The following PNLIP variants were observed in gnomAD, a reference collection of about 807,000 sequenced individuals.
The protein encoded by PNLIP is pancreatic lipase.
Under a neutral mutation model 57.1 loss-of-function variants are expected in PNLIP, and 49 were observed. The observed-to-expected ratio is 0.86, with a 90% CI of 0.68 to 1.09. The LOEUF (loss-of-function observed/expected upper bound fraction) is 1.09. Ranked by LOEUF, PNLIP falls within the 50% of genes least tolerant of loss-of-function variation. PNLIP has a pLI of 0.00. For missense variants in PNLIP, 503 were observed against 570.2 expected (o/e 0.88, Z 1.20); for synonymous variants, 209 against 200.4 (o/e 1.04, Z -0.36).
chr10:116,551,736 C>A (rs1192795151), intron 5 of PNLIP, among the ~76,000 whole-genome samples: 4 of 152,180 alleles, frequency 2.6e-5, no homozygotes, highest in Non-Finnish European at 5.9e-5. Flanking sequence ...ATTAAGAGTT[C>A]TCTCTCCATA....
chr10:116,557,201 G>A (rs892586967), intron 9 of PNLIP, among the ~76,000 whole-genome samples: 5 of 152,028 alleles, frequency 3.3e-5, no homozygotes, highest in African/African-American at 4.8e-5. Flanking sequence ...CCAACAATAA[G>A]TAATGGGGGA....
intron 4 of PNLIP, among the ~76,000 whole-genome samples, chr10:116,549,159 T>A (rs181947997): frequency 6.6e-6 from 1 of 151,904 alleles, no homozygotes; most frequent in Non-Finnish European, 1.5e-5. Context: ...ACAAAGGGAG[T>A]AGTCCTTTCT....
At chr10:116,548,546 C>T in intron 4 of PNLIP, 64 bp downstream of exon 4, 1 of 1,555,838 alleles carries the variant, frequency 6.4e-7, no homozygotes, top group Middle Eastern at 1.7e-4. Flanking sequence ...AACGGTAAGG[C>T]ACTGGCCCCG....
chr10:116,562,662 T>G (rs1180003760), intron 12 of PNLIP, among the ~76,000 whole-genome samples: 1 of 152,222 alleles, frequency 6.6e-6, no homozygotes, highest in Non-Finnish European at 1.5e-5. Flanking sequence ...ATCAAGGTAC[T>G]GATTGACCCA....
chr10:116,567,804 T>C lies in PNLIP; in HGVS notation c.*6T>C, dbSNP rs762691676. The C allele has an allele frequency of 3.1e-6, 5 of 1,604,592 alleles. No homozygotes were observed. The African/African-American group carries it at 6.7e-5, about 21-fold the overall frequency. ...TCACCCTCACACCGTGTTAGGAGACTACTGTTATTTGACCAATGAATTGAC... is the reference window on the plus strand; with the variant it reads ...TCACCCTCACACCGTGTTAGGAGACCACTGTTATTTGACCAATGAATTGAC... On this transcript the variant is annotated 3_prime_UTR_variant, in exon 13 of 13. Coordinates refer to ENST00000369221, the MANE Select transcript of PNLIP (RefSeq NM_000936.4).
intron 9 of PNLIP, 68 bp downstream of exon 9, chr10:116,556,186 C>T: frequency 1.2e-6 from 1 of 823,110 alleles, no homozygotes; most frequent in Non-Finnish European, 2.1e-6. Flanking sequence ...GTGTGCTTTC[C>T]TATACATGAC....
intron 11 of PNLIP, among the ~76,000 whole-genome samples, chr10:116,560,946 A>G (rs985744826): frequency 3.4e-4 from 52 of 152,276 alleles, no homozygotes; most frequent in African/African-American, 1.3e-3. Flanking sequence ...TTGTCTATTC[A>G]TTACTAAATG....
At chr10:116,560,388 G>T in intron 10 of PNLIP, 28 bp from the exon 11 acceptor site, 1 of 1,241,514 alleles carries the variant, frequency 8.1e-7, no homozygotes. Context: ...TCTCCAAACT[G>T]ACATTTTGCA....
At position 116,553,115 on chromosome 10, in the gene PNLIP, AT is replaced by A. The variant is rs917609910; in HGVS notation, c.460-604del. Among the ~76,000 whole-genome samples, 3 of 151,578 alleles carry A rather than the reference AT, an allele frequency of 2.0e-5. No homozygotes were observed. In the South Asian group the frequency reaches 6.3e-4, roughly 32 times the overall value. On this transcript the variant is annotated intron_variant, in intron 5 of 12. Coordinates refer to ENST00000369221, the MANE Select transcript of PNLIP (RefSeq NM_000936.4). Reference sequence around the variant, plus strand: ...AGATCTACCACTTCAGAATTTTTTTATTTTTTTTCAGACAGAGTCTTGCTCT... The same window carrying A: ...AGATCTACCACTTCAGAATTTTTTTATTTTTTTCAGACAGAGTCTTGCTCT...
Position 116,559,219 on chromosome 10 carries a change from T to C in PNLIP, c.996T>C (p.Pro332=). 1 of 1,614,048 alleles carries C rather than the reference T, an allele frequency of 6.2e-7. No homozygotes were observed. Among genetic ancestry groups the C allele is most frequent in the Non-Finnish European group, 8.5e-7 (1 of 1,179,908 alleles). Residue 332 remains proline, a synonymous_variant, in exon 10 of 13, where the codon CCT becomes CCC. Transcript: ENST00000369221. The part of the protein sequence containing the change: ...PQMGHYADRY[P]GKTNDVGQKF... Reference sequence around the variant, plus strand: ...TGGGTCACTATGCTGATAGATATCCTGGGAAAACAAATGATGTGGGCCAGA... The same window carrying C: ...TGGGTCACTATGCTGATAGATATCCCGGGAAAACAAATGATGTGGGCCAGA...
At position 116,547,355 on chromosome 10, in the gene PNLIP, T is replaced by C; in HGVS notation, c.108T>C (p.Ile36=). ...CFSDDSPWSG[I]TERPLHILPW... ...GTGATGACTCCCCATGGTCAGGAAT[T>C]ACGGAAAGACCCCTCCATATATTGC... Residue 36 remains isoleucine, a synonymous_variant, in exon 3 of 13, where the codon ATT becomes ATC. Coordinates refer to ENST00000369221, the MANE Select transcript of PNLIP (RefSeq NM_000936.4). The C allele has an allele frequency of 6.2e-7, 1 of 1,614,138 alleles. No homozygotes were observed. The highest frequency in any genetic ancestry group is 1.6e-4 in the Middle Eastern group (1 of 6,062).
In PNLIP at chr10:116,555,517, T is replaced by C; in HGVS notation, c.811+10T>C. ...GACGGAATCTGGGAAGGTAGAACTA[T>C]TATGTGTAGAAAGAGATCTTCTTGG... On this transcript the variant is annotated intron_variant, in intron 8 of 12. Transcript: ENST00000369221. 1 of 1,612,834 alleles carries C rather than the reference T, an allele frequency of 6.2e-7. No individual in the cohort carries two copies.
At chr10:116,547,974 T>C (rs1301634866) in intron 3 of PNLIP, among the ~76,000 whole-genome samples, 2 of 152,062 alleles carry the variant, frequency 1.3e-5, no homozygotes, top group Non-Finnish European at 2.9e-5. Context: ...GCTATATTTA[T>C]ACATATAAAG....
Position 116,567,690 on chromosome 10 carries a change from T to C in PNLIP, c.1335-45T>C, listed in dbSNP as rs111650926. ...TGTCCTCACTGTCACACTCCAGATATGTGCCAGGAAGAGGAGGTGACTTTG... is the reference window on the plus strand; with the variant it reads ...TGTCCTCACTGTCACACTCCAGATACGTGCCAGGAAGAGGAGGTGACTTTG... On this transcript the variant is annotated intron_variant, in intron 12 of 12. Transcript: ENST00000369221. 1.4e-3 allele frequency: 2,157 copies of C among 1,506,660 alleles called. 26 individuals are homozygous for C. The African/African-American group carries it at 0.026, about 18-fold the overall frequency. 93.3% of individuals were successfully genotyped at this position (1,506,660 alleles called of 1,614,324 possible). A position where few individuals can be genotyped will look rare whatever the true frequency, so the allele number is the denominator to read the frequency against.
At chr10:116,551,380 T>C (rs1292313035) in intron 5 of PNLIP, 148 bp downstream of exon 5, 4 of 532,572 alleles carry the variant, frequency 7.5e-6, no homozygotes, top group Non-Finnish European at 1.2e-5. Flanking sequence ...CAAAGAAAAA[T>C]TAAAAAAAAT....
intron 11 of PNLIP, 56 bp from the exon 12 acceptor site, chr10:116,561,416 T>A: frequency 1.6e-6 from 2 of 1,223,672 alleles, no homozygotes; most frequent in Admixed American, 1.9e-5. Flanking sequence ...CAAATATATA[T>A]GTATATATTT....
At position 116,564,983 on chromosome 10, in the gene PNLIP, G is replaced by A. The variant is rs371736570; in HGVS notation, c.1335-2752G>A. 8.5e-5 allele frequency among the ~76,000 whole-genome samples: 13 copies of A among 152,082 alleles called. No individual in the cohort carries two copies. In the East Asian group the frequency reaches 2.3e-3, roughly 27 times the overall value. On this transcript the variant is annotated intron_variant, in intron 12 of 12. Coordinates refer to ENST00000369221, the MANE Select transcript of PNLIP (RefSeq NM_000936.4). ...AGTATAAAAAGAGCTAAAAGGGGCC[G>A]GGTGTGGTGGCTCACACCTGTAATC...
intron 2 of PNLIP, among the ~76,000 whole-genome samples, chr10:116,546,426 T>C (rs1025528850): frequency 5.9e-5 from 9 of 152,230 alleles, no homozygotes; most frequent in African/African-American, 2.2e-4. Context: ...TCAAATTTAC[T>C]TGTATTTTGA....
intron 12 of PNLIP, among the ~76,000 whole-genome samples, chr10:116,562,585 C>T (rs1026613612): frequency 6.6e-6 from 1 of 152,176 alleles, no homozygotes; most frequent in Non-Finnish European, 1.5e-5. Flanking sequence ...CACAGGACAG[C>T]ATACCAGAGA....
Sources: gnomAD v4.1 joint callset for allele counts (sites outside exome capture counted in the v4.1 genomes callset) on GRCh38, gnomAD v4.1.1 for gene constraint, MANE v1.5 for transcripts, NCBI Gene and HGNC (gene_info 2026-07-23, HGNC 2026-07-21) for gene names.